The following PRKCA variants were observed in gnomAD, a reference collection of about 807,000 sequenced individuals.
PRKCA encodes protein kinase C alpha, also known as protein kinase C alpha type.
In PRKCA, 27 loss-of-function variants were observed where a neutral mutation model predicts 87.0. The ratio of observed to expected loss-of-function variants is 0.31; its 90% CI spans 0.23 to 0.43. PRKCA has a LOEUF of 0.43. Among genes scored for constraint, PRKCA ranks in the 20% least tolerant of loss-of-function variants. PRKCA has a pLI of 1.00. For synonymous variants in PRKCA, 329 were observed against 311.1 expected (o/e 1.06, Z -0.61); for missense variants, 518 against 852.3 (o/e 0.61, Z 4.88).
chr17:66,707,719 G>T (rs1489058611), intron 8 of PRKCA, among the ~76,000 whole-genome samples: 1 of 152,152 alleles, frequency 6.6e-6, no homozygotes, highest in Non-Finnish European at 1.5e-5. Flanking sequence ...GTAGTACTAA[G>T]GGATATGAGA....
intron 3 of PRKCA, among the ~76,000 whole-genome samples, chr17:66,611,244 T>G (rs1970354902): frequency 6.6e-6 from 1 of 152,208 alleles, no homozygotes; most frequent in Non-Finnish European, 1.5e-5. Context: ...GCTCAGTGAT[T>G]TTTTGTGTAT....
At chr17:66,706,664 G>A (rs1368026578) in intron 8 of PRKCA, among the ~76,000 whole-genome samples, 6 of 151,772 alleles carry the variant, frequency 4.0e-5, no homozygotes, top group African/African-American at 1.5e-4. Context: ...GTGGTTTCAG[G>A]ATTTTTAAGT....
At chr17:66,627,375 GC>G (rs1970886357) in intron 3 of PRKCA, among the ~76,000 whole-genome samples, 1 of 152,164 alleles carries the variant, frequency 6.6e-6, no homozygotes, top group Admixed American at 6.5e-5. Context: ...GGGAGGCATT[GC>G]TTAGGACACA....
At chr17:66,467,890 TAA>T (rs76621169) in intron 2 of PRKCA, among the ~76,000 whole-genome samples, 4 of 146,072 alleles carry the variant, frequency 2.7e-5, no homozygotes, top group Non-Finnish European at 6.1e-5. Context: ...AACAAAAAAT[TAA>T]AAAAAAAAAC....
At chr17:66,450,769 T>G (rs1015294322) in intron 2 of PRKCA, among the ~76,000 whole-genome samples, 1 of 133,244 alleles carries the variant, frequency 7.5e-6, no homozygotes, top group Non-Finnish European at 1.6e-5. Context: ...TCTGATGTTT[T>G]GGTTACGCAA....
intron 3 of PRKCA, among the ~76,000 whole-genome samples, chr17:66,585,989 G>A (rs994549827): frequency 6.6e-6 from 1 of 152,206 alleles, no homozygotes; most frequent in Non-Finnish European, 1.5e-5. Flanking sequence ...AATCTGTTGG[G>A]TGAATCCAGA....
chr17:66,588,880 A>G (rs1969707108), intron 3 of PRKCA, among the ~76,000 whole-genome samples: 1 of 151,846 alleles, frequency 6.6e-6, no homozygotes, highest in Non-Finnish European at 1.5e-5. Flanking sequence ...ATCTCAGGTA[A>G]TCCACCTGTC....
intron 8 of PRKCA, among the ~76,000 whole-genome samples, chr17:66,720,023 G>T (rs1485368247): frequency 6.6e-6 from 1 of 152,260 alleles, no homozygotes; most frequent in Non-Finnish European, 1.5e-5. Context: ...CCTAGGCACT[G>T]GAGCTGTGCC....
intron 3 of PRKCA, among the ~76,000 whole-genome samples, chr17:66,520,834 A>G (rs1967136824): frequency 6.6e-6 from 1 of 152,224 alleles, no homozygotes; most frequent in Non-Finnish European, 1.5e-5. Context: ...GAAAAGTAAA[A>G]TGACTCCAGT....
chr17:66,608,549 A>G (rs1208465416), intron 3 of PRKCA, among the ~76,000 whole-genome samples: 1 of 152,140 alleles, frequency 6.6e-6, no homozygotes, highest in Non-Finnish European at 1.5e-5. Context: ...TGTTTTGTAT[A>G]CCCTATACGA....
At position 66,810,505 on chromosome 17, in the gene PRKCA, G is replaced by A. The variant is rs1976139858; in HGVS notation, c.*6468G>A. ...CATATAAGCCCCAACTTTGTTTGGA[G>A]GAAGAGACGGAGGTTGAGGTTTTTC... On this transcript the variant is annotated 3_prime_UTR_variant, in exon 17 of 17. Coordinates refer to ENST00000413366, the MANE Select transcript of PRKCA (RefSeq NM_002737.3). 6.6e-6 allele frequency: 1 copy of A among 152,206 alleles called. No homozygotes were observed. Among genetic ancestry groups the A allele is most frequent in the African/African-American group, 2.4e-5 (1 of 41,438 alleles). 9.4% of individuals were successfully genotyped at this position (152,206 alleles called of 1,614,324 possible). A position where few individuals can be genotyped will look rare whatever the true frequency, so the allele number is the denominator to read the frequency against.
At chr17:66,376,425 T>C (rs1909418052) in intron 2 of PRKCA, among the ~76,000 whole-genome samples, 1 of 152,094 alleles carries the variant, frequency 6.6e-6, no homozygotes, top group Admixed American at 6.5e-5. Flanking sequence ...CTGGCCAACA[T>C]GGTAAAACCC....
At chr17:66,586,814 A>G (rs1008935008) in intron 3 of PRKCA, among the ~76,000 whole-genome samples, 1 of 152,190 alleles carries the variant, frequency 6.6e-6, no homozygotes, top group African/African-American at 2.4e-5. Flanking sequence ...CTGAATATCC[A>G]TAACATGTCA....
At chr17:66,456,344 T>C (rs1598687979) in intron 2 of PRKCA, among the ~76,000 whole-genome samples, 1 of 152,196 alleles carries the variant, frequency 6.6e-6, no homozygotes, top group East Asian at 1.9e-4. Context: ...GTTCTCTTTT[T>C]AATACCAGGT....
intron 2 of PRKCA, among the ~76,000 whole-genome samples, chr17:66,483,527 A>G (rs7222627): frequency 0.066 from 10,008 of 151,432 alleles, 1,091 homozygotes; most frequent in African/African-American, 0.23. Context: ...GTGGTGGTGC[A>G]GTCTCAGCTC....
chr17:66,784,502 C>A (rs918633670), intron 14 of PRKCA, among the ~76,000 whole-genome samples: 1 of 152,214 alleles, frequency 6.6e-6, no homozygotes, highest in Admixed American at 6.5e-5. Flanking sequence ...CCACGTTGGC[C>A]TCCCAAAGTG....
At chr17:66,334,348 A>G (rs1325639791) in intron 2 of PRKCA, among the ~76,000 whole-genome samples, 1 of 152,096 alleles carries the variant, frequency 6.6e-6, no homozygotes, top group Non-Finnish European at 1.5e-5. Context: ...CTTTTGTTAT[A>G]CTCTTCTGTC....
At chr17:66,344,156 C>T (rs968994991) in intron 2 of PRKCA, among the ~76,000 whole-genome samples, 5 of 152,078 alleles carry the variant, frequency 3.3e-5, no homozygotes, top group East Asian at 1.9e-4. Context: ...AGAACAGTAT[C>T]GATGAATGGA....
intron 2 of PRKCA, among the ~76,000 whole-genome samples, chr17:66,386,302 A>G (rs565216132): frequency 3.3e-5 from 5 of 152,266 alleles, no homozygotes; most frequent in African/African-American, 9.6e-5. Flanking sequence ...CGTTGTGTGG[A>G]TGTGCCAAAA....
Sources: allele counts gnomAD v4.1 joint callset (sites outside exome capture counted in the v4.1 genomes callset), GRCh38; gene constraint gnomAD v4.1.1; transcripts MANE v1.5; gene names NCBI Gene and HGNC (gene_info 2026-07-23, HGNC 2026-07-21).